The following ACCS variants were observed in gnomAD, a reference collection of about 807,000 sequenced individuals.
The protein encoded by ACCS is 1-aminocyclopropane-1-carboxylate synthase homolog (inactive).
A neutral mutation model predicts 59.8 loss-of-function variants in ACCS; 42 were observed. The ratio of observed to expected loss-of-function variants is 0.70; its 90% CI spans 0.55 to 0.91. ACCS has a LOEUF of 0.91. Among genes scored for constraint, ACCS ranks in the 40% least tolerant of loss-of-function variants. ACCS has a pLI of 0.00. For synonymous variants in ACCS, 230 were observed against 240.3 expected (o/e 0.96, Z 0.40); for missense variants, 602 against 630.4 (o/e 0.95, Z 0.48).
At chr11:44,067,492 A>G in intron 1 of ACCS, 136 bp from the exon 2 acceptor site, 6 of 901,288 alleles carry the variant, frequency 6.7e-6, no homozygotes, top group South Asian at 6.6e-5. Context: ...GCTAAGGGAC[A>G]CAGGAAGTGA....
At chr11:44,074,758 T>C (rs1953252169) in intron 5 of ACCS, 77 bp downstream of exon 5, 2 of 516,200 alleles carry the variant, frequency 3.9e-6, no homozygotes, top group Non-Finnish European at 5.9e-6. Flanking sequence ...CTTTCTTTCT[T>C]TCTTTCTTTC....
In ACCS at chr11:44,077,934, A is replaced by G. The variant is rs748126449; in HGVS notation, c.732+12A>G. 3 of 1,613,260 alleles carry G rather than the reference A, an allele frequency of 1.9e-6. No individual in the cohort carries two copies. The highest frequency in any genetic ancestry group is 2.5e-6 in the Non-Finnish European group (3 of 1,179,598). On this transcript the variant is annotated intron_variant, in intron 8 of 14. Coordinates refer to ENST00000263776, the MANE Select transcript of ACCS (RefSeq NM_032592.4). Reference sequence around the variant, plus strand: ...AAGCTCACTCTGAGGTCTGGGGATCAAATCAAACCTGAGGCTGGGTGTGGG... The same window carrying G: ...AAGCTCACTCTGAGGTCTGGGGATCGAATCAAACCTGAGGCTGGGTGTGGG...
chr11:44,074,527 G>A (rs1318139515), intron 4 of ACCS, 85 bp from the exon 5 acceptor site: 2 of 1,024,584 alleles, frequency 2.0e-6, no homozygotes, highest in Non-Finnish European at 3.1e-6. Context: ...GATGGCAGCT[G>A]CCTGAGGATT....
chr11:44,075,424 A>G, intron 5 of ACCS, 102 bp from the exon 6 acceptor site: 1 of 1,281,192 alleles, frequency 7.8e-7, no homozygotes, highest in Non-Finnish European at 1.1e-6. Context: ...GGTGGCACCA[A>G]GGCAGGGCCT....
At chr11:44,083,628 C>A in intron 14 of ACCS, 51 bp downstream of exon 14, 1 of 1,614,158 alleles carries the variant, frequency 6.2e-7, no homozygotes, top group South Asian at 1.1e-5. Flanking sequence ...TTCACTGTGG[C>A]CTCCGCTTGT....
intron 2 of ACCS, among the ~76,000 whole-genome samples, chr11:44,070,883 C>G (rs1953017104): frequency 6.6e-6 from 1 of 152,154 alleles, no homozygotes; most frequent in African/African-American, 2.4e-5. Context: ...CACATCTGTC[C>G]TTCAGGGAGC....
chr11:44,082,894 G>A (rs959627203), intron 12 of ACCS, among the ~76,000 whole-genome samples: 3 of 152,092 alleles, frequency 2.0e-5, no homozygotes, highest in African/African-American at 4.8e-5. Flanking sequence ...CATTGGGTTC[G>A]ATTCTTTATC....
Position 44,067,930 on chromosome 11 carries a change from C to A in ACCS, c.288+15C>A. 1.9e-6 allele frequency: 3 copies of A among 1,580,556 alleles called. No individual in the cohort carries two copies. The highest frequency in any genetic ancestry group is 1.2e-5 in the South Asian group (1 of 84,442). ...AGAACCCCAGTGTGAGTGAAGCTCC[C>A]CTCCCACTGGGACCCAAGAGAGAAC... is the stretch of plus-strand genomic sequence containing the variant. On this transcript the variant is annotated intron_variant, in intron 2 of 14. Coordinates refer to ENST00000263776, the MANE Select transcript of ACCS (RefSeq NM_032592.4).
chr11:44,074,668 T>G lies in ACCS; in HGVS notation c.476T>G (p.Leu159Arg). 6.2e-7 allele frequency: 1 copy of G among 1,611,998 alleles called. No individual in the cohort carries two copies. Among genetic ancestry groups the G allele is most frequent in the Non-Finnish European group, 8.5e-7 (1 of 1,179,074 alleles). ...LSFYCKSPVP[L>R]RPENVVVLNG... ...TTCTACTGCAAGAGCCCAGTACCCCTCAGACCAGAGAATGTGAGTGGCCCC... is the reference window on the plus strand; with the variant it reads ...TTCTACTGCAAGAGCCCAGTACCCCGCAGACCAGAGAATGTGAGTGGCCCC... Residue 159 changes from leucine to arginine, a missense_variant, in exon 5 of 15, where the codon CTC becomes CGC. By Grantham distance (102) the Leu-to-Arg change is moderately radical (BLOSUM62 -2). Coordinates refer to ENST00000263776, the MANE Select transcript of ACCS (RefSeq NM_032592.4).
intron 7 of ACCS, 103 bp downstream of exon 7, chr11:44,077,479 G>A: frequency 3.2e-6 from 5 of 1,559,182 alleles, no homozygotes; most frequent in Non-Finnish European, 4.3e-6. Context: ...CTGGGGTTGT[G>A]ATGAGTAGGG....
intron 13 of ACCS, 37 bp downstream of exon 13, chr11:44,083,348 C>T (rs1403041037): frequency 6.2e-7 from 1 of 1,612,844 alleles, no homozygotes; most frequent in East Asian, 2.2e-5. Context: ...GAGGGAGTTT[C>T]AGGTCTCCCT....
Position 44,079,570 on chromosome 11 carries a change from G to C in ACCS, c.873G>C (p.Leu291=), listed in dbSNP as rs1471116094. 2 of 1,612,318 alleles carry C rather than the reference G, an allele frequency of 1.2e-6. No individual in the cohort carries two copies. Among genetic ancestry groups the C allele is most frequent in the Admixed American group, 1.7e-5 (1 of 59,922 alleles). Residue 291 remains leucine (L), a synonymous_variant, in exon 10 of 15, where the codon CTG becomes CTC. Transcript: ENST00000263776. ...TGATTGTGGATGAGGTCTACATGCTGTCCGTGTTTGAGAAGTCTGTTGGGT... is the reference window on the plus strand; with the variant it reads ...TGATTGTGGATGAGGTCTACATGCTCTCCGTGTTTGAGAAGTCTGTTGGGT... The part of the protein sequence containing the change: ...LHVIVDEVYM[L]SVFEKSVGYR...
intron 5 of ACCS, 57 bp downstream of exon 5, chr11:44,074,738 T>TTCTC (rs1181366899): frequency 1.7e-5 from 2 of 117,904 alleles, no homozygotes; most frequent in African/African-American, 6.0e-5. Context: ...CTCCATCTCT[T>TTCTC]TCTTTCTTTC....
chr11:44,080,604 C>T (rs780096626), intron 10 of ACCS: 17 of 192,696 alleles, frequency 8.8e-5, no homozygotes, highest in Non-Finnish European at 1.5e-4. Context: ...ACCATTTTAG[C>T]GGCTAAATGC....
Position 44,083,847 on chromosome 11 carries a change from T to G in ACCS, c.*55T>G, listed in dbSNP as rs546146853. ...CAGCAGCCACTGTGGACCTGGGGCG[T>G]TCTGGGGCTGCAGAAGACTGACTGT... is the stretch of plus-strand genomic sequence containing the variant. On this transcript the variant is annotated 3_prime_UTR_variant, in exon 15 of 15. Coordinates refer to ENST00000263776, the MANE Select transcript of ACCS (RefSeq NM_032592.4). The G allele has an allele frequency of 8.4e-6, 13 of 1,554,156 alleles. No homozygotes were observed. Among genetic ancestry groups the G allele is most frequent in the South Asian group, 1.2e-5 (1 of 84,520 alleles).
At chr11:44,080,120 C>T (rs1015446613) in intron 10 of ACCS, among the ~76,000 whole-genome samples, 1 of 152,224 alleles carries the variant, frequency 6.6e-6, no homozygotes, top group Admixed American at 6.5e-5. Context: ...CACACTGGCC[C>T]ATGCCTGTAA....
At chr11:44,078,265 G>A in intron 8 of ACCS, 1 of 332,304 alleles carries the variant, frequency 3.0e-6, no homozygotes, top group Non-Finnish European at 5.4e-6. Flanking sequence ...TAGTTTGAGG[G>A]GGCAACCTTG....
intron 2 of ACCS, among the ~76,000 whole-genome samples, chr11:44,069,433 T>C (rs1469208095): frequency 6.6e-6 from 1 of 152,148 alleles, no homozygotes; most frequent in Admixed American, 6.5e-5. Context: ...GCCTGGCTGG[T>C]CTCAAACTCC....
At chr11:44,073,599 G>A in intron 4 of ACCS, 82 bp downstream of exon 4, 1 of 1,385,842 alleles carries the variant, frequency 7.2e-7, no homozygotes, top group Non-Finnish European at 9.9e-7. Flanking sequence ...TTATAACTGG[G>A]AAGTCAGGTG....
Sources: allele counts gnomAD v4.1 joint callset (sites outside exome capture counted in the v4.1 genomes callset), GRCh38; gene constraint gnomAD v4.1.1; transcripts MANE v1.5; gene names NCBI Gene and HGNC (gene_info 2026-07-23, HGNC 2026-07-21).